The following KCNC2 variants were observed in gnomAD, a reference collection of about 807,000 sequenced individuals.
The protein encoded by KCNC2 is potassium voltage-gated channel subfamily C member 2, also known as voltage-gated potassium channel KCNC2.
Under a neutral mutation model 44.5 loss-of-function variants are expected in KCNC2, and 21 were observed. The observed-to-expected ratio is 0.47, with a 90% CI of 0.33 to 0.68. The LOEUF (loss-of-function observed/expected upper bound fraction) is 0.68, where lower values mean the gene tolerates loss of function less well. Among genes scored for constraint, KCNC2 ranks in the 30% least tolerant of loss-of-function variants. The pLI is 0.01. For synonymous variants in KCNC2, 391 were observed against 339.1 expected (o/e 1.15, Z -1.68); for missense variants, 589 against 826.2 (o/e 0.71, Z 3.52).
At chr12:75,077,062 T>C (rs1037769883) in intron 2 of KCNC2, among the ~76,000 whole-genome samples, 2 of 152,188 alleles carry the variant, frequency 1.3e-5, no homozygotes, top group Non-Finnish European at 2.9e-5. Context: ...CAATGGTTAC[T>C]ACAGTAAAGC....
rs575629907 is a variant in KCNC2, at chr12:75,054,699, G to A, written c.688-3382C>T. 5.9e-5 allele frequency among the ~76,000 whole-genome samples: 9 copies of A among 152,208 alleles called. No homozygotes were observed. The South Asian group carries it at 1.7e-3, about 28-fold the overall frequency. On this transcript the variant is annotated intron_variant, in intron 2 of 4. Coordinates refer to ENST00000549446, the MANE Select transcript of KCNC2 (RefSeq NM_139137.4). ...TTATAGGTATAAGAAACACAGAAGA[G>A]TCATAAAAATAAGAATGCCAGGTAA...
chr12:75,112,265 A>G (rs1009913196), intron 2 of KCNC2, among the ~76,000 whole-genome samples: 3 of 151,666 alleles, frequency 2.0e-5, no homozygotes, highest in Non-Finnish European at 4.4e-5. Context: ...ACTATTAAAT[A>G]TAAAGAAAAA....
At chr12:75,102,906 T>C (rs1231962494) in intron 2 of KCNC2, among the ~76,000 whole-genome samples, 2 of 152,062 alleles carry the variant, frequency 1.3e-5, no homozygotes, top group African/African-American at 4.8e-5. Flanking sequence ...TAGCATTGCA[T>C]GGAATGGAGT....
intron 2 of KCNC2, among the ~76,000 whole-genome samples, chr12:75,069,317 G>T (rs1457773203): frequency 6.6e-6 from 1 of 151,410 alleles, no homozygotes; most frequent in Non-Finnish European, 1.5e-5. Flanking sequence ...TATTTTTTTA[G>T]TAGAGATGGG....
Position 75,043,258 on chromosome 12 carries a change from C to T in KCNC2, c.1781-17G>A, listed in dbSNP as rs763652889. The T allele has an allele frequency of 3.7e-6, 6 of 1,611,074 alleles. 1 individual carries two copies. On this transcript the variant is annotated splice_polypyrimidine_tract_variant and intron_variant, in intron 4 of 4. Coordinates refer to ENST00000549446, the MANE Select transcript of KCNC2 (RefSeq NM_139137.4). ...TTTCATATCCTTTTATGAAAAAATG[C>T]ACAGACATCAGTTGAATTCAACCAG... is the stretch of plus-strand genomic sequence containing the variant.
intron 2 of KCNC2, among the ~76,000 whole-genome samples, chr12:75,119,712 A>C (rs1055189967): frequency 6.6e-6 from 1 of 152,136 alleles, no homozygotes; most frequent in African/African-American, 2.4e-5. Context: ...CTGCTCCTTC[A>C]CTTGGAAAGC....
intron 2 of KCNC2, among the ~76,000 whole-genome samples, chr12:75,149,820 T>A (rs564962649): frequency 3.8e-4 from 58 of 151,742 alleles, no homozygotes; most frequent in Middle Eastern, 3.4e-3. Context: ...ACTGAAAAAA[T>A]TCAACATCTT....
intron 2 of KCNC2, among the ~76,000 whole-genome samples, chr12:75,184,720 T>G (rs1593051198): frequency 6.6e-6 from 1 of 152,220 alleles, no homozygotes; most frequent in Non-Finnish European, 1.5e-5. Context: ...AGTGTTCTCT[T>G]TTAATTATCT....
At chr12:75,196,856 G>T (rs1169134042) in intron 2 of KCNC2, among the ~76,000 whole-genome samples, 2 of 151,994 alleles carry the variant, frequency 1.3e-5, no homozygotes, top group Non-Finnish European at 2.9e-5. Context: ...ATCCATGAAA[G>T]TATTTTGAGA....
At position 75,048,180 on chromosome 12, in the gene KCNC2, A is replaced by C; in HGVS notation, c.1753T>G (p.Cys585Gly). ...TTCCTGATCCCTCCATCAGAAGCAC[A>C]CGTGTAATCACCTGTCGTCAGTAGG... The part of the protein sequence containing the change: ...CFLLTTGDYT[C>G]ASDGGIRKGY... The change falls in exon 4 of 5, where the codon TGT becomes GGT. Residue 585 changes from cysteine to glycine, a missense_variant. Cys to Gly is a radical substitution (Grantham distance 159). Around this residue, in one of 7 missense-constraint regions of KCNC2, gnomAD observed 171 missense variants for 182.4 expected, o/e 0.94. Coordinates refer to ENST00000549446, the MANE Select transcript of KCNC2 (RefSeq NM_139137.4). The C allele has an allele frequency of 2.5e-6, 4 of 1,613,030 alleles. No homozygotes were observed. Among genetic ancestry groups the C allele is most frequent in the Non-Finnish European group, 3.4e-6 (4 of 1,179,326 alleles).
chr12:75,181,326 C>T (rs1485568339), intron 2 of KCNC2, among the ~76,000 whole-genome samples: 1 of 152,100 alleles, frequency 6.6e-6, no homozygotes, highest in Admixed American at 6.5e-5. Context: ...TTTTTCAATG[C>T]TTAAATCATC....
Position 75,121,578 on chromosome 12 carries a change from T to C in KCNC2, c.688-70261A>G, listed in dbSNP as rs189132384. On this transcript the variant is annotated intron_variant, in intron 2 of 4. Coordinates refer to ENST00000549446, the MANE Select transcript of KCNC2 (RefSeq NM_139137.4). ...AGGACCATAATCACTCTTTTTTGTTTAATTGTGCATTTTGATTAGCTATTG... is the reference window on the plus strand; with the variant it reads ...AGGACCATAATCACTCTTTTTTGTTCAATTGTGCATTTTGATTAGCTATTG... Among the ~76,000 whole-genome samples, 4 of 152,336 alleles carry C rather than the reference T, an allele frequency of 2.6e-5. No individual in the cohort carries two copies. The East Asian group carries it at 7.7e-4, about 29-fold the overall frequency.
Position 75,041,663 on chromosome 12 carries a change from T to G in KCNC2, c.*1442A>C. The G allele has an allele frequency of 2.0e-6, 2 of 1,008,438 alleles. No individual in the cohort carries two copies. Among genetic ancestry groups the G allele is most frequent in the Non-Finnish European group, 1.2e-6 (1 of 842,854 alleles). The allele number at this position is 1,008,438 out of a possible 1,614,324, so 62.5% of individuals were successfully genotyped here. On this transcript the variant is annotated 3_prime_UTR_variant, in exon 5 of 5. Coordinates refer to ENST00000549446, the MANE Select transcript of KCNC2 (RefSeq NM_139137.4). The stretch of plus-strand genomic sequence containing the variant: ...GAATATGACTCCCTAAGGATTTTGT[T>G]GGAGTGTAGTAATGAATGCTGGTTG...
chr12:75,204,367 C>T (rs1204352750), intron 2 of KCNC2, among the ~76,000 whole-genome samples: 1 of 151,982 alleles, frequency 6.6e-6, no homozygotes, highest in African/African-American at 2.4e-5. Context: ...GTTCCTATCA[C>T]CGTTGTTTTG....
chr12:75,167,887 A>G (rs1440872213), intron 2 of KCNC2, among the ~76,000 whole-genome samples: 1 of 151,388 alleles, frequency 6.6e-6, no homozygotes, highest in East Asian at 1.9e-4. Flanking sequence ...CCTTTGATCT[A>G]TAATGCATTA....
chr12:75,144,455 T>C (rs1889871820), intron 2 of KCNC2, among the ~76,000 whole-genome samples: 1 of 152,180 alleles, frequency 6.6e-6, no homozygotes, highest in African/African-American at 2.4e-5. Context: ...CTCCAAAGTA[T>C]GCTTGTATAG....
chr12:75,068,913 G>A (rs1477663477), intron 2 of KCNC2, among the ~76,000 whole-genome samples: 1 of 152,044 alleles, frequency 6.6e-6, no homozygotes. Flanking sequence ...AGTCTTAAGG[G>A]GGGTTACGAT....
intron 2 of KCNC2, among the ~76,000 whole-genome samples, chr12:75,155,364 T>C (rs551168682): frequency 2.6e-5 from 4 of 151,620 alleles, no homozygotes; most frequent in African/African-American, 9.7e-5. Flanking sequence ...CAAAGAAAAC[T>C]AAGAATAGGA....
chr12:75,167,719 T>C (rs1411262369), intron 2 of KCNC2, among the ~76,000 whole-genome samples: 5 of 151,440 alleles, frequency 3.3e-5, no homozygotes, highest in African/African-American at 9.7e-5. Flanking sequence ...TTCTCAAAAG[T>C]ACAGCTAAGA....
Sources: allele counts gnomAD v4.1 joint callset (sites outside exome capture counted in the v4.1 genomes callset), GRCh38; gene constraint gnomAD v4.1.1; regional missense constraint gnomAD v4.1.1; transcripts MANE v1.5; gene names NCBI Gene and HGNC (gene_info 2026-07-23, HGNC 2026-07-21).